TNR: variants seen among roughly 807,000 people sequenced by gnomAD.
TNR encodes the protein tenascin-R.
In TNR, 45 loss-of-function variants were observed where a neutral mutation model predicts 150.4. The observed-to-expected ratio is 0.30, with a 90% CI of 0.24 to 0.38. TNR has a LOEUF of 0.38. Among genes scored for constraint, TNR ranks in the 10% least tolerant of loss-of-function variants. The pLI is 1.00. For missense variants in TNR, 1,544 were observed against 1,759.1 expected, an observed-to-expected ratio of 0.88 and a Z score of 2.19; for synonymous variants, 687 against 678.4, an observed-to-expected ratio of 1.01 and a Z score of -0.20.
At chr1:175,713,140 T>C (rs1313763709) in intron 1 of TNR, among the ~76,000 whole-genome samples, 1 of 152,162 alleles carries the variant, frequency 6.6e-6, no homozygotes, top group African/African-American at 2.4e-5. Context: ...GGTAAGTCTT[T>C]CCTATGAGGC....
In TNR at chr1:175,323,321, A is replaced by G; in HGVS notation, c.*36T>C. The G allele has an allele frequency of 1.9e-6, 3 of 1,608,926 alleles. No homozygotes were observed. The highest frequency in any genetic ancestry group is 2.5e-6 in the Non-Finnish European group (3 of 1,177,656). Reference sequence around the variant, plus strand: ...TCATATTATAAAATACAAACAAATGACAGAAAATATTGGTTGGCTTGCAGC... The same window carrying G: ...TCATATTATAAAATACAAACAAATGGCAGAAAATATTGGTTGGCTTGCAGC... On this transcript the variant is annotated 3_prime_UTR_variant, in exon 23 of 23. Coordinates refer to ENST00000367674, the MANE Select transcript of TNR (RefSeq NM_003285.3).
chr1:175,661,694 C>T (rs969218692), intron 1 of TNR, among the ~76,000 whole-genome samples: 11 of 152,068 alleles, frequency 7.2e-5, no homozygotes, highest in African/African-American at 2.7e-4. Flanking sequence ...ACTGCACATG[C>T]CTCCTCTCCC....
intron 2 of TNR, among the ~76,000 whole-genome samples, chr1:175,420,491 C>G (rs75702870): frequency 6.6e-6 from 1 of 152,166 alleles, no homozygotes; most frequent in Non-Finnish European, 1.5e-5. Context: ...TTCAACTAAC[C>G]TAACAGTGGA....
In TNR at chr1:175,536,589, G is replaced by T. The variant is rs116385178; in HGVS notation, c.-164-8220C>A. Among the ~76,000 whole-genome samples, 1,059 of 152,314 alleles carry T rather than the reference G, an allele frequency of 7.0e-3. 8 individuals are homozygous for T. Among genetic ancestry groups the T allele is most frequent in the African/African-American group, 0.023 (950 of 41,558 alleles). The stretch of plus-strand genomic sequence containing the variant: ...ATGGCCTCCTTTGTCCTTCCTTCTG[G>T]TAGCACCACAGATGAGTCAATGTTT... On this transcript the variant is annotated intron_variant, in intron 1 of 22. Transcript: ENST00000367674.
intron 1 of TNR, among the ~76,000 whole-genome samples, chr1:175,709,498 G>A (rs1339863247): frequency 1.3e-5 from 2 of 152,154 alleles, no homozygotes; most frequent in Non-Finnish European, 2.9e-5. Context: ...TGGTACAATT[G>A]CTAAAGGCAG....
intron 2 of TNR, among the ~76,000 whole-genome samples, chr1:175,439,028 A>C (rs140966292): frequency 0.021 from 3,238 of 152,334 alleles, 53 homozygotes; most frequent in Non-Finnish European, 0.031. Context: ...AAACTACTTT[A>C]AAGTTCATAT....
Position 175,696,339 on chromosome 1 carries a change from C to T in TNR, c.-165+46887G>A, listed in dbSNP as rs144305515. Among the ~76,000 whole-genome samples the T allele has an allele frequency of 2.9e-3, 431 of 148,254 alleles. 2 individuals carry two copies. The highest frequency in any genetic ancestry group is 3.7e-3 in the Non-Finnish European group (250 of 67,468). ...CTGGGAGTGCCATTCCTCCTTTTTACAGCTGTAGGATACAATTAGAGAGGT... is the reference window on the plus strand; with the variant it reads ...CTGGGAGTGCCATTCCTCCTTTTTATAGCTGTAGGATACAATTAGAGAGGT... On this transcript the variant is annotated intron_variant, in intron 1 of 22. Coordinates refer to ENST00000367674, the MANE Select transcript of TNR (RefSeq NM_003285.3).
rs190329743 is a variant in TNR, at chr1:175,373,331, G to T, written c.1964-6034C>A. Among the ~76,000 whole-genome samples, 238 of 152,294 alleles carry T rather than the reference G, an allele frequency of 1.6e-3. 3 individuals carry two copies. Among genetic ancestry groups the T allele is most frequent in the Admixed American group, 0.014 (220 of 15,292 alleles). On this transcript the variant is annotated intron_variant, in intron 9 of 22. Transcript: ENST00000367674. ...TGGAGACCAGAGGTTTCATGGGGGA[G>T]ATATGTGGAGAATATCTTTGGAGAG...
intron 20 of TNR, among the ~76,000 whole-genome samples, chr1:175,334,063 C>T (rs539080557): frequency 6.6e-6 from 1 of 152,302 alleles, no homozygotes; most frequent in Non-Finnish European, 1.5e-5. Flanking sequence ...GGCATTGGGC[C>T]TTCTCCTGGT....
chr1:175,649,638 A>G (rs1664895239), intron 1 of TNR, among the ~76,000 whole-genome samples: 1 of 151,998 alleles, frequency 6.6e-6, no homozygotes, highest in African/African-American at 2.4e-5. Context: ...CCCAGGCATC[A>G]CTTCTTCACA....
At chr1:175,702,734 C>T (rs1666732413) in intron 1 of TNR, among the ~76,000 whole-genome samples, 1 of 152,184 alleles carries the variant, frequency 6.6e-6, no homozygotes, top group Non-Finnish European at 1.5e-5. Flanking sequence ...TGTGGGTGCA[C>T]CTGCCCAATA....
chr1:175,356,311 G>A lies in TNR; in HGVS notation c.3118+8C>T, dbSNP rs1198984662. 1 of 1,613,940 alleles carries A rather than the reference G, an allele frequency of 6.2e-7. No individual in the cohort carries two copies. Among genetic ancestry groups the A allele is most frequent in the Non-Finnish European group, 8.5e-7 (1 of 1,179,864 alleles). ...GGGATACGGGTATGTAGGTGACCAT[G>A]TACTCACGAGTAGAAAAGTTGGTGC... is the stretch of plus-strand genomic sequence containing the variant. On this transcript the variant is annotated splice_region_variant and intron_variant, in intron 16 of 22. Transcript: ENST00000367674.
intron 1 of TNR, among the ~76,000 whole-genome samples, chr1:175,719,223 C>T (rs963561217): frequency 7.2e-5 from 11 of 152,194 alleles, no homozygotes; most frequent in South Asian, 2.1e-4. Flanking sequence ...CAGCTGTCCC[C>T]GGGCTGTGGC....
chr1:175,656,572 C>G (rs373068479), intron 1 of TNR: 1 of 152,406 alleles, frequency 6.6e-6, no homozygotes, highest in Non-Finnish European at 1.5e-5. Context: ...CTGGCTGGCT[C>G]TACTGCCTGT....
intron 2 of TNR, among the ~76,000 whole-genome samples, chr1:175,522,131 T>C (rs1338707105): frequency 7.2e-5 from 11 of 152,172 alleles, no homozygotes; most frequent in South Asian, 2.1e-4. Flanking sequence ...CCTTTTTTTT[T>C]CTCCTGCCTA....
chr1:175,626,372 C>A (rs1310494891), intron 1 of TNR, among the ~76,000 whole-genome samples: 1 of 152,182 alleles, frequency 6.6e-6, no homozygotes. Context: ...GTAGCTGCTT[C>A]CAGAACCATA....
chr1:175,445,202 G>T (rs111817210), intron 2 of TNR, among the ~76,000 whole-genome samples: 1 of 152,066 alleles, frequency 6.6e-6, no homozygotes, highest in Non-Finnish European at 1.5e-5. Context: ...CCTGGGAGGC[G>T]GAGGTTGCAG....
At chr1:175,708,144 CAG>C (rs1473549663) in intron 1 of TNR, among the ~76,000 whole-genome samples, 4 of 151,972 alleles carry the variant, frequency 2.6e-5, no homozygotes, top group Non-Finnish European at 4.4e-5. Context: ...TTGCCATTTA[CAG>C]AGAGTCAGTA....
intron 1 of TNR, among the ~76,000 whole-genome samples, chr1:175,693,814 C>T (rs1558076386): frequency 6.6e-6 from 1 of 152,220 alleles, no homozygotes; most frequent in Non-Finnish European, 1.5e-5. Flanking sequence ...ATGTGTCCAG[C>T]ACGAGGGATG....
Sources: gnomAD v4.1 joint callset for allele counts (sites outside exome capture counted in the v4.1 genomes callset) on GRCh38, gnomAD v4.1.1 for gene constraint, MANE v1.5 for transcripts, NCBI Gene and HGNC (gene_info 2026-07-23, HGNC 2026-07-21) for gene names.